Variants in ANK3 observed in about 807,000 individuals in gnomAD.
The protein encoded by ANK3 is ankyrin-3.
A neutral mutation model predicts 370.9 loss-of-function variants in ANK3; 57 were observed. The observed-to-expected ratio is 0.15, with a 90% CI of 0.12 to 0.19. The LOEUF is 0.19. Ranked by LOEUF, ANK3 falls within the 10% of genes least tolerant of loss-of-function variation. The pLI is 1.00. For missense variants in ANK3, 4,439 were observed against 5,302.1 expected (o/e 0.84, Z 5.06); for synonymous variants, 1,929 against 1,946.3 (o/e 0.99, Z 0.23).
In ANK3 at chr10:60,072,627, G is replaced by T; in HGVS notation, c.8254C>A (p.Gln2752Lys). The T allele has an allele frequency of 6.2e-7, 1 of 1,613,996 alleles. No individual in the cohort carries two copies. The highest frequency in any genetic ancestry group is 1.3e-5 in the African/African-American group (1 of 74,998). Residue 2752 changes from glutamine (Q) to lysine (K), a missense_variant, in exon 37 of 44, where the codon CAG (glutamine) becomes AAG (lysine). Coordinates refer to ENST00000280772, the MANE Select transcript of ANK3 (RefSeq NM_020987.5). ...GQSRIPVKKI[Q>K]ESKLPVYQVF... ...TGGTAGACGGGTAGCTTGCTCTCCTGTATTTTTTTAACTGGGATTCTGGAC... is the reference window on the plus strand; with the variant it reads ...TGGTAGACGGGTAGCTTGCTCTCCTTTATTTTTTTAACTGGGATTCTGGAC...
chr10:60,382,063 G>A (rs752109811), intron 1 of ANK3, among the ~76,000 whole-genome samples: 6 of 152,066 alleles, frequency 3.9e-5, no homozygotes, highest in Non-Finnish European at 8.8e-5. Context: ...CTTTATTAGG[G>A]TAAAAGAATG....
intron 23 of ANK3, among the ~76,000 whole-genome samples, chr10:60,157,557 A>G (rs2095371406): frequency 6.6e-6 from 1 of 151,964 alleles, no homozygotes; most frequent in Non-Finnish European, 1.5e-5. Flanking sequence ...AGCTAGCTCA[A>G]TGCACTTTAA....
intron 1 of ANK3, among the ~76,000 whole-genome samples, chr10:60,697,073 A>G (rs1331953021): frequency 2.0e-5 from 3 of 151,192 alleles, no homozygotes; most frequent in Middle Eastern, 3.4e-3. Flanking sequence ...TACAAAATCA[A>G]TGTACAAAAA....
Position 60,055,870 on chromosome 10 carries a change from G to A in ANK3, c.12853C>T (p.Pro4285Ser), listed in dbSNP as rs1200692526. The change falls in exon 42 of 44, where the codon CCA becomes TCA. Residue 4285 changes from proline to serine, a missense_variant. By Grantham distance (74) the Pro-to-Ser change is moderately conservative (BLOSUM62 -1). Transcript: ENST00000280772. The stretch of plus-strand genomic sequence containing the variant: ...ACATGACCAGATCCATGTATTTTTG[G>A]TTTCAGAGTTTCCTTGGTACTCTGT... Reference protein sequence around the residue: ...GKQSTKETLKPKIHGSGHVEE... With the variant: ...GKQSTKETLKSKIHGSGHVEE... The A allele has an allele frequency of 6.2e-7, 1 of 1,613,994 alleles. No individual in the cohort carries two copies. The highest frequency in any genetic ancestry group is 8.5e-7 in the Non-Finnish European group (1 of 1,180,020).
At chr10:60,611,236 A>G (rs1392938262) in intron 2 of ANK3, among the ~76,000 whole-genome samples, 1 of 152,124 alleles carries the variant, frequency 6.6e-6, no homozygotes, top group African/African-American at 2.4e-5. Flanking sequence ...TCCAAAATGA[A>G]AACAGGAGTC....
chr10:60,103,841 A>C (rs1384511832), intron 28 of ANK3, among the ~76,000 whole-genome samples: 1 of 152,212 alleles, frequency 6.6e-6, no homozygotes, highest in East Asian at 1.9e-4. Flanking sequence ...TTCCAAAATA[A>C]CACATAGAAT....
chr10:60,567,863 T>C (rs1372410100), intron 2 of ANK3, among the ~76,000 whole-genome samples: 1 of 152,176 alleles, frequency 6.6e-6, no homozygotes, highest in East Asian at 1.9e-4. Flanking sequence ...GGAGGAAGTA[T>C]TAATAACGGC....
intron 2 of ANK3, among the ~76,000 whole-genome samples, chr10:60,525,263 CCCAGAAA>C (rs1334800249): frequency 1.3e-5 from 2 of 152,012 alleles, no homozygotes; most frequent in Non-Finnish European, 2.9e-5. Flanking sequence ...CATTTTCACT[CCCAGAAA>C]CCATGTAAAA....
chr10:60,338,722 A>C (rs937195685), intron 1 of ANK3, among the ~76,000 whole-genome samples: 1 of 152,150 alleles, frequency 6.6e-6, no homozygotes, highest in African/African-American at 2.4e-5. Flanking sequence ...AAACTGTGAT[A>C]CTGCTTTTCT....
chr10:60,479,468 C>T (rs2075155555), intron 2 of ANK3, among the ~76,000 whole-genome samples: 1 of 152,092 alleles, frequency 6.6e-6, no homozygotes, highest in Non-Finnish European at 1.5e-5. Flanking sequence ...ACAAAACTGC[C>T]TAGCTGCATT....
chr10:60,226,092 A>G (rs1470583213), intron 8 of ANK3, among the ~76,000 whole-genome samples: 3 of 140,724 alleles, frequency 2.1e-5, no homozygotes, highest in African/African-American at 5.2e-5. Flanking sequence ...GATATAGTAT[A>G]TATCTAAATA....
At chr10:60,143,191 T>C (rs2094646042) in intron 23 of ANK3, among the ~76,000 whole-genome samples, 1 of 89,318 alleles carries the variant, frequency 1.1e-5, no homozygotes, top group Admixed American at 1.4e-4. Context: ...CCATTACTTA[T>C]AAGCCAGGCA....
chr10:60,074,779 A>G lies in ANK3; in HGVS notation c.6102T>C (p.Ile2034=), dbSNP rs973834699. Residue 2034 remains isoleucine (I), a synonymous_variant, in exon 37 of 44, where the codon ATT becomes ATC. Transcript: ENST00000280772. ...SEKDYNLTKV[I]DYLTNDIGSS... ...TCCCAATATCATTTGTTAGGTAATC[A>G]ATAACTTTGGTCAAGTTATAATCCT... The G allele has an allele frequency of 6.2e-7, 1 of 1,614,110 alleles. No individual in the cohort carries two copies.
intron 25 of ANK3, among the ~76,000 whole-genome samples, chr10:60,128,441 G>A (rs180774236): frequency 3.3e-5 from 5 of 151,202 alleles, no homozygotes; most frequent in Non-Finnish European, 7.4e-5. Context: ...GTGCAGTGGC[G>A]CAATCTCAGC....
At chr10:60,417,558 T>C (rs1403100297) in intron 2 of ANK3, among the ~76,000 whole-genome samples, 4 of 152,124 alleles carry the variant, frequency 2.6e-5, no homozygotes, top group African/African-American at 9.7e-5. Flanking sequence ...AATTGAACAA[T>C]GGATGAAGAA....
At chr10:60,137,827 T>A (rs1031660285) in intron 24 of ANK3, among the ~76,000 whole-genome samples, 1 of 152,174 alleles carries the variant, frequency 6.6e-6, no homozygotes, top group African/African-American at 2.4e-5. Flanking sequence ...TCAAAAGCTA[T>A]AAATCTCTAC....
intron 2 of ANK3, among the ~76,000 whole-genome samples, chr10:60,577,438 TG>T (rs1402096946): frequency 6.6e-5 from 10 of 152,102 alleles, no homozygotes; most frequent in African/African-American, 2.4e-4. Context: ...GTGGGAGGGA[TG>T]GGTGGGAGGT....
intron 24 of ANK3, among the ~76,000 whole-genome samples, chr10:60,137,868 A>T (rs1322405776): frequency 6.6e-6 from 1 of 152,082 alleles, no homozygotes; most frequent in Admixed American, 6.6e-5. Context: ...GATCTCAAGA[A>T]CCTTAAAAGT....
chr10:60,660,220 C>T (rs988825929), intron 1 of ANK3, among the ~76,000 whole-genome samples: 1 of 152,130 alleles, frequency 6.6e-6, no homozygotes, highest in African/African-American at 2.4e-5. Flanking sequence ...GAAGCTCCTA[C>T]CACATGCAGG....
Sources: allele counts gnomAD v4.1 joint callset (sites outside exome capture counted in the v4.1 genomes callset), GRCh38; gene constraint gnomAD v4.1.1; transcripts MANE v1.5; gene names NCBI Gene and HGNC (gene_info 2026-07-23, HGNC 2026-07-21).